Variants in PTPRT observed in about 807,000 individuals in gnomAD.
PTPRT encodes protein tyrosine phosphatase receptor type T.
A neutral mutation model predicts 176.8 loss-of-function variants in PTPRT; 56 were observed. The observed-to-expected ratio is 0.32, with a 90% CI of 0.26 to 0.40. The LOEUF is 0.40. Among genes scored for constraint, PTPRT ranks in the 10% least tolerant of loss-of-function variants. The probability of loss-of-function intolerance (pLI) is 1.00; values close to 1 mark genes in which losing one functional copy is unlikely to be tolerated. For synonymous variants in PTPRT, 783 were observed against 739.0 expected (o/e 1.06, Z -0.96); for missense variants, 1,540 against 1,908.2 (o/e 0.81, Z 3.60).
At chr20:42,838,079 T>A (rs1262334975) in intron 2 of PTPRT, among the ~76,000 whole-genome samples, 1 of 152,126 alleles carries the variant, frequency 6.6e-6, no homozygotes, top group Non-Finnish European at 1.5e-5. Flanking sequence ...CAGGTTGGAG[T>A]GCAGTAGCAT....
chr20:42,154,828 G>C (rs1227388784), intron 17 of PTPRT, among the ~76,000 whole-genome samples: 1 of 152,208 alleles, frequency 6.6e-6, no homozygotes, highest in East Asian at 1.9e-4. Context: ...GGGTTTTGCT[G>C]TGTAACAGGG....
intron 12 of PTPRT, among the ~76,000 whole-genome samples, chr20:42,303,667 G>A (rs1483061711): frequency 1.3e-5 from 2 of 152,080 alleles, no homozygotes; most frequent in Non-Finnish European, 2.9e-5. Flanking sequence ...GCTGTGATTC[G>A]AGAATCTGTT....
At chr20:42,335,265 T>C (rs1371583933) in intron 11 of PTPRT, among the ~76,000 whole-genome samples, 1 of 152,174 alleles carries the variant, frequency 6.6e-6, no homozygotes. Context: ...GTCTGCCCTC[T>C]ACCCCTTAGG....
intron 1 of PTPRT, among the ~76,000 whole-genome samples, chr20:43,026,108 C>G (rs142326912): frequency 1.3e-5 from 2 of 151,880 alleles, no homozygotes; most frequent in African/African-American, 4.8e-5. Context: ...TATTTAGAGA[C>G]ATTATTGTTT....
intron 6 of PTPRT, among the ~76,000 whole-genome samples, chr20:42,725,994 A>T (rs1169427169): frequency 6.6e-6 from 1 of 151,944 alleles, no homozygotes; most frequent in Non-Finnish European, 1.5e-5. Context: ...TCATACCAGC[A>T]AAATCCCTTC....
chr20:42,564,549 G>T (rs2073007352), intron 7 of PTPRT, among the ~76,000 whole-genome samples: 1 of 152,164 alleles, frequency 6.6e-6, no homozygotes. Flanking sequence ...GACACAGGGA[G>T]GGTAACATCA....
At chr20:42,879,926 C>A (rs1193383754) in intron 2 of PTPRT, among the ~76,000 whole-genome samples, 2 of 152,090 alleles carry the variant, frequency 1.3e-5, no homozygotes, top group Non-Finnish European at 2.9e-5. Context: ...TTCCTTCCTC[C>A]TTTGTTTTTT....
intron 16 of PTPRT, among the ~76,000 whole-genome samples, chr20:42,185,416 A>T (rs1056763155): frequency 2.0e-5 from 3 of 152,184 alleles, no homozygotes; most frequent in African/African-American, 4.8e-5. Flanking sequence ...GACTAATTGT[A>T]TCAGATTCCC....
intron 1 of PTPRT, among the ~76,000 whole-genome samples, chr20:43,169,169 T>C (rs539556222): frequency 2.0e-4 from 31 of 152,350 alleles, no homozygotes; most frequent in African/African-American, 7.5e-4. Context: ...ATCAGAAGAC[T>C]TGTTGAAAGC....
intron 12 of PTPRT, among the ~76,000 whole-genome samples, chr20:42,298,504 G>A (rs747740487): frequency 1.3e-5 from 2 of 152,088 alleles, no homozygotes; most frequent in East Asian, 1.9e-4. Context: ...CTCTGAAGAC[G>A]CACCTTCAAC....
At chr20:42,563,276 G>A (rs2072983120) in intron 7 of PTPRT, among the ~76,000 whole-genome samples, 1 of 152,054 alleles carries the variant, frequency 6.6e-6, no homozygotes, top group Admixed American at 6.6e-5. Context: ...GGTCCAATAA[G>A]CAAGAAAAAG....
At chr20:42,898,967 G>A (rs1003467028) in intron 1 of PTPRT, among the ~76,000 whole-genome samples, 3 of 152,120 alleles carry the variant, frequency 2.0e-5, no homozygotes, top group Admixed American at 1.3e-4. Flanking sequence ...AAGTGGTCCC[G>A]CCCAACCCAG....
At chr20:43,037,197 A>G (rs1294129577) in intron 1 of PTPRT, among the ~76,000 whole-genome samples, 2 of 152,262 alleles carry the variant, frequency 1.3e-5, no homozygotes, top group Non-Finnish European at 2.9e-5. Context: ...AAAGATAAGT[A>G]ATTGCATTTA....
At chr20:43,186,313 G>A (rs2015389910) in intron 1 of PTPRT, among the ~76,000 whole-genome samples, 1 of 152,178 alleles carries the variant, frequency 6.6e-6, no homozygotes, top group Admixed American at 6.5e-5. Context: ...TCCAAACCAG[G>A]CTGCCTCCTG....
chr20:43,014,030 T>C (rs1985259362), intron 1 of PTPRT, among the ~76,000 whole-genome samples: 1 of 152,200 alleles, frequency 6.6e-6, no homozygotes, highest in Admixed American at 6.5e-5. Context: ...TACTAGGTAT[T>C]GCTGATTCTT....
At chr20:42,830,102 C>T (rs989021726) in intron 2 of PTPRT, among the ~76,000 whole-genome samples, 2 of 152,126 alleles carry the variant, frequency 1.3e-5, no homozygotes, top group African/African-American at 4.8e-5. Context: ...TTCCATGAGG[C>T]CAACATCATC....
chr20:42,183,272 T>C (rs1358009413), intron 16 of PTPRT, among the ~76,000 whole-genome samples: 5 of 152,174 alleles, frequency 3.3e-5, no homozygotes, highest in African/African-American at 4.8e-5. Context: ...AATCCACTTA[T>C]AATTTTAAGT....
chr20:42,740,957 A>T (rs1369714229), intron 6 of PTPRT, among the ~76,000 whole-genome samples: 2 of 152,296 alleles, frequency 1.3e-5, no homozygotes, highest in African/African-American at 4.8e-5. Flanking sequence ...GAGGTCTATT[A>T]TACCCCAAAG....
chr20:43,092,709 C>T (rs2011934333), intron 1 of PTPRT, among the ~76,000 whole-genome samples: 1 of 152,184 alleles, frequency 6.6e-6, no homozygotes. Context: ...TTCTTTCCTC[C>T]TTCTTCTTCC....
Sources: allele counts gnomAD v4.1 joint callset (sites outside exome capture counted in the v4.1 genomes callset), GRCh38; gene constraint gnomAD v4.1.1; transcripts MANE v1.5; gene names NCBI Gene and HGNC (gene_info 2026-07-23, HGNC 2026-07-21).